LEO1: variants seen among roughly 807,000 people sequenced by gnomAD.
LEO1 encodes the protein RNA polymerase-associated protein LEO1.
In LEO1, 34 loss-of-function variants were observed where a neutral mutation model predicts 80.4. That is an observed-to-expected ratio of 0.42 (90% CI 0.32 to 0.56). LEO1 has a LOEUF of 0.56. Ranked by LOEUF, LEO1 falls within the 20% of genes least tolerant of loss-of-function variation. The pLI is 0.10. For missense variants in LEO1, 631 were observed against 814.2 expected (o/e 0.77, Z 2.74); for synonymous variants, 262 against 274.9 (o/e 0.95, Z 0.46).
At chr15:51,970,323 A>T (rs1188303367) in intron 1 of LEO1, among the ~76,000 whole-genome samples, 5 of 152,106 alleles carry the variant, frequency 3.3e-5, no homozygotes, top group Non-Finnish European at 5.9e-5. Flanking sequence ...ACACCTGGCT[A>T]ACAGTTTGTA....
At chr15:51,965,391 A>C (rs1466443044) in intron 2 of LEO1, among the ~76,000 whole-genome samples, 1 of 152,128 alleles carries the variant, frequency 6.6e-6, no homozygotes, top group Non-Finnish European at 1.5e-5. Context: ...TCCCCAGGCT[A>C]ATCTATTCTC....
Position 51,971,752 on chromosome 15 carries a change from T to C in LEO1, c.-7A>G. ...GATCCTCCATATCCGCCATTATCGC[T>C]CACGTCCGCTGCTGCCTCGGTTAGG... On this transcript the variant is annotated 5_prime_UTR_variant, in exon 1 of 12. Transcript: ENST00000299601. The C allele has an allele frequency of 1.2e-6, 2 of 1,614,154 alleles. No individual in the cohort carries two copies. Among genetic ancestry groups the C allele is most frequent in the Non-Finnish European group, 1.7e-6 (2 of 1,180,004 alleles).
chr15:51,942,989 A>C (rs1012438175), intron 11 of LEO1, among the ~76,000 whole-genome samples: 3 of 151,786 alleles, frequency 2.0e-5, no homozygotes. Context: ...ACAGTGGCTC[A>C]CGCCTGTAAT....
chr15:51,943,866 G>C (rs1478789173), intron 11 of LEO1, among the ~76,000 whole-genome samples: 1 of 149,844 alleles, frequency 6.7e-6, no homozygotes, highest in East Asian at 1.9e-4. Flanking sequence ...CACAATAGTA[G>C]ATTTGAACTA....
intron 10 of LEO1, among the ~76,000 whole-genome samples, chr15:51,948,841 C>T (rs1051998505): frequency 6.6e-6 from 1 of 152,188 alleles, no homozygotes; most frequent in African/African-American, 2.4e-5. Context: ...CGTCTTGCTA[C>T]TGGCTTGGGG....
intron 5 of LEO1, among the ~76,000 whole-genome samples, chr15:51,959,483 A>C (rs958257106): frequency 6.6e-6 from 1 of 152,206 alleles, no homozygotes; most frequent in Non-Finnish European, 1.5e-5. Flanking sequence ...AAAGCACAAG[A>C]GCTCGAGTAA....
At chr15:51,946,025 C>G (rs1350109283) in intron 11 of LEO1, among the ~76,000 whole-genome samples, 1 of 151,230 alleles carries the variant, frequency 6.6e-6, no homozygotes, top group Non-Finnish European at 1.5e-5. Flanking sequence ...CAGAGCGAGA[C>G]TCTGTCTTAA....
chr15:51,946,056 T>C (rs1595932403), intron 11 of LEO1, among the ~76,000 whole-genome samples: 1 of 151,626 alleles, frequency 6.6e-6, no homozygotes, highest in East Asian at 1.9e-4. Flanking sequence ...AAAGAAAAAT[T>C]CTCAGGGCCT....
intron 11 of LEO1, among the ~76,000 whole-genome samples, chr15:51,940,819 C>T (rs773301452): frequency 1.3e-5 from 2 of 151,590 alleles, no homozygotes; most frequent in Non-Finnish European, 2.9e-5. Context: ...ATAATAAGGC[C>T]GTATGTGGTG....
At chr15:51,967,824 GA>G (rs2057090113) in intron 1 of LEO1, among the ~76,000 whole-genome samples, 1 of 152,208 alleles carries the variant, frequency 6.6e-6, no homozygotes. Context: ...AGACGATATG[GA>G]AGACAAAAGA....
intron 11 of LEO1, among the ~76,000 whole-genome samples, chr15:51,946,160 T>C (rs866561030): frequency 2.0e-5 from 3 of 152,330 alleles, no homozygotes; most frequent in South Asian, 2.1e-4. Context: ...TAAATGAAAA[T>C]TTATTTCAAT....
intron 6 of LEO1, chr15:51,954,865 C>A (rs2056976273): frequency 3.2e-6 from 1 of 310,770 alleles, no homozygotes. Flanking sequence ...ACACTAACCC[C>A]GAGATGTGTT....
chr15:51,965,379 T>C (rs1349975004), intron 2 of LEO1, among the ~76,000 whole-genome samples: 1 of 152,178 alleles, frequency 6.6e-6, no homozygotes, highest in Non-Finnish European at 1.5e-5. Flanking sequence ...GTATGGTTTT[T>C]TTCCCCAGGC....
chr15:51,951,712 T>C lies in LEO1; in HGVS notation c.1611+132A>G. 5 of 739,944 alleles carry C rather than the reference T, an allele frequency of 6.8e-6. No homozygotes were observed. In the Admixed American group the frequency reaches 1.3e-4, roughly 19 times the overall value. The allele number at this position is 739,944 out of a possible 1,614,324, so 45.8% of individuals were successfully genotyped here. On this transcript the variant is annotated intron_variant, in intron 9 of 11. Transcript: ENST00000299601. Reference sequence around the variant, plus strand: ...GTTTGGCAAATGCTGAGGAAATGAATCCAGCTCCCTATTCATGTCAGTTGG... The same window carrying C: ...GTTTGGCAAATGCTGAGGAAATGAACCCAGCTCCCTATTCATGTCAGTTGG...
intron 3 of LEO1, 100 bp from the exon 4 acceptor site, chr15:51,960,833 T>C (rs2057024332): frequency 2.8e-6 from 2 of 706,924 alleles, no homozygotes; most frequent in South Asian, 3.4e-5. Context: ...TGGACCAGCA[T>C]CAGAAAACCA....
intron 1 of LEO1, among the ~76,000 whole-genome samples, chr15:51,968,807 C>T (rs189415235): frequency 9.4e-4 from 142 of 150,888 alleles, no homozygotes; most frequent in African/African-American, 3.2e-3. Flanking sequence ...CCAGCCTGGG[C>T]GACAGAGCAA....
intron 11 of LEO1, among the ~76,000 whole-genome samples, chr15:51,942,594 C>T (rs1289414919): frequency 6.6e-6 from 1 of 152,182 alleles, no homozygotes; most frequent in African/African-American, 2.4e-5. Context: ...GATGTTGCCT[C>T]ATCTAATTTA....
intron 1 of LEO1, among the ~76,000 whole-genome samples, chr15:51,969,799 C>T (rs1057312695): frequency 5.0e-5 from 7 of 138,734 alleles, no homozygotes; most frequent in Non-Finnish European, 7.5e-5. Context: ...CAAGATTGTA[C>T]CACTGCACTG....
chr15:51,946,021 G>A (rs552072264), intron 11 of LEO1, among the ~76,000 whole-genome samples: 21 of 151,650 alleles, frequency 1.4e-4, no homozygotes, highest in African/African-American at 4.8e-4. Flanking sequence ...GCAACAGAGC[G>A]AGACTCTGTC....
Sources: gnomAD v4.1 joint callset for allele counts (sites outside exome capture counted in the v4.1 genomes callset) on GRCh38, gnomAD v4.1.1 for gene constraint, MANE v1.5 for transcripts, NCBI Gene and HGNC (gene_info 2026-07-23, HGNC 2026-07-21) for gene names.